LCORL: variants seen among roughly 807,000 people sequenced by gnomAD.
LCORL encodes ligand dependent nuclear receptor corepressor like.
LCORL carries 41 observed loss-of-function variants against 141.8 expected under a neutral mutation model. The ratio of observed to expected loss-of-function variants is 0.29; its 90% CI spans 0.23 to 0.38. The LOEUF (loss-of-function observed/expected upper bound fraction) is 0.38, where lower values mean the gene tolerates loss of function less well. Among genes scored for constraint, LCORL ranks in the 10% least tolerant of loss-of-function variants. LCORL has a pLI of 1.00. For synonymous variants in LCORL, 618 were observed against 694.1 expected, an observed-to-expected ratio of 0.89 and a Z score of 1.72; for missense variants, 1,759 against 2,035.0, an observed-to-expected ratio of 0.86 and a Z score of 2.61.
intron 1 of LCORL, among the ~76,000 whole-genome samples, chr4:18,010,994 T>C (rs1723676089): frequency 6.6e-6 from 1 of 152,130 alleles, no homozygotes. Flanking sequence ...GATTCTGGAT[T>C]TGAGGAAGAG....
At chr4:17,878,553 C>A (rs372022859) in intron 6 of LCORL, among the ~76,000 whole-genome samples, 2 of 151,152 alleles carry the variant, frequency 1.3e-5, no homozygotes, top group African/African-American at 4.8e-5. Flanking sequence ...TATGAAGTAG[C>A]CATTTTATAA....
chr4:17,852,040 C>T (rs1202970367), intron 7 of LCORL, among the ~76,000 whole-genome samples: 1 of 152,044 alleles, frequency 6.6e-6, no homozygotes, highest in East Asian at 1.9e-4. Flanking sequence ...TTTGTGATCC[C>T]ACTCTCCTCC....
chr4:17,949,321 A>T (rs1310453951), intron 4 of LCORL, among the ~76,000 whole-genome samples: 1 of 152,124 alleles, frequency 6.6e-6, no homozygotes, highest in Non-Finnish European at 1.5e-5. Flanking sequence ...CAATTAAATG[A>T]ATCCTCTCAG....
intron 6 of LCORL, chr4:17,882,091 C>T: frequency 1.0e-6 from 1 of 984,220 alleles, no homozygotes; most frequent in Non-Finnish European, 1.2e-6. Flanking sequence ...TGTAGTTTCT[C>T]ACTCTTCAGT....
intron 4 of LCORL, among the ~76,000 whole-genome samples, chr4:17,930,994 C>T (rs1735945060): frequency 6.6e-6 from 1 of 152,112 alleles, no homozygotes; most frequent in Non-Finnish European, 1.5e-5. Context: ...ATACCTTTTG[C>T]TATTTCTTCT....
chr4:17,944,966 T>G (rs1264233378), intron 4 of LCORL, among the ~76,000 whole-genome samples: 2 of 152,132 alleles, frequency 1.3e-5, no homozygotes, highest in Non-Finnish European at 2.9e-5. Flanking sequence ...GACAGTAAAC[T>G]GCAGCAGACA....
chr4:17,868,842 A>G (rs1725990099), intron 7 of LCORL, among the ~76,000 whole-genome samples: 1 of 152,114 alleles, frequency 6.6e-6, no homozygotes, highest in Non-Finnish European at 1.5e-5. Context: ...CTCCAGGCTT[A>G]CATTCTGGCA....
chr4:18,021,015 G>GC lies in LCORL; in HGVS notation c.154+582dup, dbSNP rs1725462426. ...GGGCGCCCCCCGCCCCTCGGACGAC[G>GC]CCCCCGCCGCCCCTCGCCCCCAGCC... is the stretch of plus-strand genomic sequence containing the variant. On this transcript the variant is annotated intron_variant, in intron 1 of 7. Coordinates refer to ENST00000635767, the Ensembl canonical transcript of LCORL. The surrounding 1 kb of genome is among the most constrained non-coding windows in gnomAD (Gnocchi z 5.5). Among the ~76,000 whole-genome samples the GC allele has an allele frequency of 1.3e-5, 2 of 151,980 alleles. No individual in the cohort carries two copies. Among genetic ancestry groups the GC allele is most frequent in the South Asian group, 4.1e-4 (2 of 4,830 alleles).
At chr4:17,882,201 A>G in intron 6 of LCORL, 1 of 984,576 alleles carries the variant, frequency 1.0e-6, no homozygotes, top group Admixed American at 6.2e-5. Flanking sequence ...ACAAGTGTAA[A>G]AACACAAGCA....
intron 7 of LCORL, among the ~76,000 whole-genome samples, chr4:17,849,599 C>T (rs533330674): frequency 4.6e-5 from 7 of 152,260 alleles, no homozygotes; most frequent in Middle Eastern, 3.4e-3. Context: ...AAACTGGAAA[C>T]TCTAAAAAGC....
chr4:18,019,386 A>T (rs1274849083), intron 1 of LCORL, among the ~76,000 whole-genome samples: 4 of 152,238 alleles, frequency 2.6e-5, no homozygotes, highest in Non-Finnish European at 4.4e-5. Context: ...AATAGGGCTT[A>T]ATTAGGATGG....
At chr4:18,007,104 G>A (rs1012548011) in intron 1 of LCORL, among the ~76,000 whole-genome samples, 9 of 152,226 alleles carry the variant, frequency 5.9e-5, no homozygotes, top group South Asian at 2.1e-4. Flanking sequence ...TGATTTGCCT[G>A]TTATATTCTC....
intron 4 of LCORL, among the ~76,000 whole-genome samples, chr4:17,945,845 T>C (rs1317332384): frequency 6.6e-6 from 1 of 151,760 alleles, no homozygotes; most frequent in African/African-American, 2.4e-5. Flanking sequence ...ATTGTCACAG[T>C]AGTTTCACTC....
chr4:17,915,078 C>G (rs1012452137), intron 4 of LCORL, among the ~76,000 whole-genome samples: 1 of 152,150 alleles, frequency 6.6e-6, no homozygotes, highest in Non-Finnish European at 1.5e-5. Flanking sequence ...CTTCTCCCCT[C>G]CTTTTATTTT....
At chr4:17,977,972 T>C (rs972038653) in intron 1 of LCORL, among the ~76,000 whole-genome samples, 13 of 152,242 alleles carry the variant, frequency 8.5e-5, no homozygotes, top group African/African-American at 3.1e-4. Flanking sequence ...GGTATCTATT[T>C]GATGCAGCAA....
At chr4:17,950,572 A>G (rs1334207231) in intron 4 of LCORL, among the ~76,000 whole-genome samples, 2 of 152,188 alleles carry the variant, frequency 1.3e-5, no homozygotes, top group African/African-American at 4.8e-5. Context: ...CACTGCAAAC[A>G]ATGAATGGAG....
At chr4:17,865,474 G>A (rs191110717) in intron 7 of LCORL, among the ~76,000 whole-genome samples, 10 of 152,214 alleles carry the variant, frequency 6.6e-5, no homozygotes, top group East Asian at 1.9e-4. Context: ...AATTACAGGC[G>A]TGAGTACTGC....
At chr4:17,892,856 A>G (rs1212307992) in intron 5 of LCORL, among the ~76,000 whole-genome samples, 1 of 152,186 alleles carries the variant, frequency 6.6e-6, no homozygotes, top group East Asian at 1.9e-4. Context: ...TTTAAAGAAC[A>G]TGTTCTCTTT....
chr4:17,996,977 C>T (rs1252883823), intron 1 of LCORL, among the ~76,000 whole-genome samples: 3 of 152,098 alleles, frequency 2.0e-5, no homozygotes, highest in African/African-American at 4.8e-5. Context: ...CCAACCATTC[C>T]GTAAGTAAAT....
Sources: gnomAD v4.1 joint callset for allele counts (sites outside exome capture counted in the v4.1 genomes callset) on GRCh38, gnomAD v4.1.1 for gene constraint, Gnocchi (gnomAD v3.1) non-coding constraint, MANE v1.5 for transcripts, NCBI Gene and HGNC (gene_info 2026-07-23, HGNC 2026-07-21) for gene names.